The following DSCAML1 variants were observed in gnomAD, a reference collection of about 807,000 sequenced individuals.
DSCAML1 encodes DS cell adhesion molecule like 1, also known as cell adhesion molecule DSCAML1.
A neutral mutation model predicts 200.5 loss-of-function variants in DSCAML1; 38 were observed. The observed-to-expected ratio is 0.19, with a 90% CI of 0.15 to 0.25. The LOEUF (loss-of-function observed/expected upper bound fraction) is 0.25, where lower values mean the gene tolerates loss of function less well. Among genes scored for constraint, DSCAML1 ranks in the 10% least tolerant of loss-of-function variants. DSCAML1 has a pLI of 1.00. For synonymous variants in DSCAML1, 1,215 were observed against 1,165.0 expected, an observed-to-expected ratio of 1.04 and a Z score of -0.87; for missense variants, 2,223 against 2,858.8, an observed-to-expected ratio of 0.78 and a Z score of 5.07.
In DSCAML1 at chr11:117,516,897, C is replaced by T. The variant is rs1002971647; in HGVS notation, c.1511-158G>A. On this transcript the variant is annotated intron_variant, in intron 7 of 32. Coordinates refer to ENST00000651296, the MANE Select transcript of DSCAML1 (RefSeq NM_020693.4). This position sits in a 1 kb window ranked among gnomAD's most constrained non-coding sequence, Gnocchi z 5.7. ...GTGGGGGCACAGGGATGCCTTTTTA[C>T]AAAGCTACAGACAGGGGCTGGAATT... Among the ~76,000 whole-genome samples the T allele has an allele frequency of 2.0e-5, 3 of 152,154 alleles. No homozygotes were observed. Among genetic ancestry groups the T allele is most frequent in the African/African-American group, 7.2e-5 (3 of 41,442 alleles).
intron 20 of DSCAML1, among the ~76,000 whole-genome samples, chr11:117,449,635 G>GC (rs1565690880): frequency 3.9e-5 from 6 of 152,146 alleles, no homozygotes; most frequent in Admixed American, 2.6e-4. Context: ...CCTTGCTTCC[G>GC]TTCCTTGCTT....
At chr11:117,795,568 C>A (rs967686646) in intron 1 of DSCAML1, among the ~76,000 whole-genome samples, 1 of 151,884 alleles carries the variant, frequency 6.6e-6, no homozygotes, top group Non-Finnish European at 1.5e-5. Context: ...GTGTGTAACC[C>A]GGGGGACCCC....
At chr11:117,451,641 C>T (rs4938378) in intron 19 of DSCAML1, among the ~76,000 whole-genome samples, 83,376 of 151,792 alleles carry the variant, frequency 0.55, 23,061 homozygotes, top group African/African-American at 0.6. Context: ...CTGGTGAAAC[C>T]CTGTCTCTAT....
At chr11:117,570,224 G>A (rs1218363320) in intron 3 of DSCAML1, among the ~76,000 whole-genome samples, 6 of 152,030 alleles carry the variant, frequency 3.9e-5, no homozygotes, top group South Asian at 2.1e-4. Flanking sequence ...TAGTTTTCGG[G>A]GTATCTCATG....
chr11:117,605,130 G>A (rs1049282040), intron 3 of DSCAML1, among the ~76,000 whole-genome samples: 10 of 152,146 alleles, frequency 6.6e-5, no homozygotes, highest in African/African-American at 2.4e-4. Flanking sequence ...CTGGGCTCAC[G>A]CAATCCTCCC....
At chr11:117,685,358 C>T (rs1464784397) in intron 3 of DSCAML1, among the ~76,000 whole-genome samples, 1 of 152,190 alleles carries the variant, frequency 6.6e-6, no homozygotes, top group African/African-American at 2.4e-5. Context: ...TTCATGTCTC[C>T]ACCCTTCCGC....
chr11:117,681,148 C>G (rs1461017635), intron 3 of DSCAML1, among the ~76,000 whole-genome samples: 1 of 152,182 alleles, frequency 6.6e-6, no homozygotes, highest in East Asian at 1.9e-4. Flanking sequence ...TCTCTCCCAC[C>G]CACGCCCTCC....
At chr11:117,539,042 A>C (rs941950204) in intron 3 of DSCAML1, among the ~76,000 whole-genome samples, 1 of 152,162 alleles carries the variant, frequency 6.6e-6, no homozygotes, top group Non-Finnish European at 1.5e-5. Context: ...CCTCCAGTGC[A>C]TTCCCATCTC....
chr11:117,561,504 T>G (rs779794949), intron 3 of DSCAML1, among the ~76,000 whole-genome samples: 1 of 152,214 alleles, frequency 6.6e-6, no homozygotes, highest in Non-Finnish European at 1.5e-5. Context: ...GCTCCAGTCA[T>G]GTCTCCAAGC....
intron 3 of DSCAML1, among the ~76,000 whole-genome samples, chr11:117,764,484 A>G (rs1382470948): frequency 6.6e-6 from 1 of 152,254 alleles, no homozygotes; most frequent in Non-Finnish European, 1.5e-5. Context: ...CACTGTCTAC[A>G]TAACACAGCA....
chr11:117,658,598 G>C (rs2052779623), intron 3 of DSCAML1, among the ~76,000 whole-genome samples: 1 of 152,210 alleles, frequency 6.6e-6, no homozygotes, highest in African/African-American at 2.4e-5. Flanking sequence ...CATGGGTCAG[G>C]AGAGGCTGGA....
At chr11:117,429,445 C>T (rs2047738526) in intron 32 of DSCAML1, among the ~76,000 whole-genome samples, 6 of 152,196 alleles carry the variant, frequency 3.9e-5, no homozygotes, top group Admixed American at 3.9e-4. Flanking sequence ...GCTCTGTCAT[C>T]CAGGCTGGAG....
chr11:117,444,474 C>T (rs779844546), intron 20 of DSCAML1, among the ~76,000 whole-genome samples: 6 of 152,148 alleles, frequency 3.9e-5, no homozygotes, highest in Non-Finnish European at 8.8e-5. Context: ...CTGCAGCCTG[C>T]TCTGGCTCCC....
chr11:117,713,744 C>T (rs770108430), intron 3 of DSCAML1, among the ~76,000 whole-genome samples: 6 of 152,220 alleles, frequency 3.9e-5, no homozygotes, highest in Non-Finnish European at 5.9e-5. Flanking sequence ...ACAGATTCTG[C>T]GGAGTCCATC....
At chr11:117,645,806 C>T (rs915943815) in intron 3 of DSCAML1, among the ~76,000 whole-genome samples, 3 of 150,370 alleles carry the variant, frequency 2.0e-5, no homozygotes, top group African/African-American at 4.9e-5. Flanking sequence ...TGCTAGATGA[C>T]GAGTTAGTGG....
At chr11:117,757,205 G>A (rs1163421050) in intron 3 of DSCAML1, among the ~76,000 whole-genome samples, 2 of 152,122 alleles carry the variant, frequency 1.3e-5, no homozygotes, top group African/African-American at 2.4e-5. Context: ...ACTTCAATAT[G>A]ACTTTTTGGT....
At chr11:117,436,301 G>A (rs1251094167) in intron 26 of DSCAML1, among the ~76,000 whole-genome samples, 3 of 152,168 alleles carry the variant, frequency 2.0e-5, no homozygotes, top group African/African-American at 7.2e-5. Flanking sequence ...CTCCTGTGGG[G>A]AAGCATGGCA....
chr11:117,720,916 G>A (rs1279891689), intron 3 of DSCAML1, among the ~76,000 whole-genome samples: 1 of 152,210 alleles, frequency 6.6e-6, no homozygotes, highest in African/African-American at 2.4e-5. Context: ...CTACATGAGG[G>A]ACAGGCACAG....
chr11:117,619,000 G>A (rs1427700297), intron 3 of DSCAML1, among the ~76,000 whole-genome samples: 1 of 152,140 alleles, frequency 6.6e-6, no homozygotes, highest in Non-Finnish European at 1.5e-5. Context: ...CTTCCCCAAC[G>A]CACCCAGCCC....
Sources: allele counts gnomAD v4.1 joint callset (sites outside exome capture counted in the v4.1 genomes callset), GRCh38; gene constraint gnomAD v4.1.1; non-coding constraint Gnocchi (gnomAD v3.1); transcripts MANE v1.5; gene names NCBI Gene and HGNC (gene_info 2026-07-23, HGNC 2026-07-21).